The following PROS1 variants were observed in gnomAD, a reference collection of about 807,000 sequenced individuals.
The protein encoded by PROS1 is vitamin K-dependent protein S.
PROS1 carries 29 observed loss-of-function variants against 75.9 expected under a neutral mutation model. The observed-to-expected ratio is 0.38, with a 90% CI of 0.28 to 0.52. PROS1 has a LOEUF of 0.52. Ranked by LOEUF, PROS1 falls within the 20% of genes least tolerant of loss-of-function variation. The pLI, the probability that PROS1 is intolerant of heterozygous loss-of-function variation, is 0.83. For missense variants in PROS1, 680 were observed against 810.3 expected (o/e 0.84, Z 1.95); for synonymous variants, 245 against 280.6 (o/e 0.87, Z 1.27).
rs567574963 is a variant in PROS1 at position 93,938,386 on chromosome 3, G to A, written c.77-10979C>T. On this transcript the variant is annotated intron_variant, in intron 1 of 14. Coordinates refer to ENST00000394236, the MANE Select transcript of PROS1 (RefSeq NM_000313.4). ...CCGCTGGCACCCAGGTGATTAAAAA[G>A]CTTTATTGCTCACACAAAGCCTGTT... 2.8e-3 allele frequency among the ~76,000 whole-genome samples: 429 copies of A among 152,226 alleles called. 2 individuals carry two copies. Among genetic ancestry groups the A allele is most frequent in the Non-Finnish European group, 4.6e-3 (311 of 68,026 alleles).
chr3:93,875,040 T>C (rs1388613093), intron 14 of PROS1, among the ~76,000 whole-genome samples: 2 of 152,192 alleles, frequency 1.3e-5, no homozygotes, highest in East Asian at 3.9e-4. Context: ...TTATTCTTCA[T>C]CTTCAGTACC....
At chr3:93,942,634 C>CA (rs1231578896) in intron 1 of PROS1, among the ~76,000 whole-genome samples, 1 of 152,238 alleles carries the variant, frequency 6.6e-6, no homozygotes, top group Non-Finnish European at 1.5e-5. Flanking sequence ...CCACACAAGG[C>CA]AAATGGTTCT....
At chr3:93,944,625 A>T (rs534239565) in intron 1 of PROS1, among the ~76,000 whole-genome samples, 1 of 152,224 alleles carries the variant, frequency 6.6e-6, no homozygotes, top group African/African-American at 2.4e-5. Flanking sequence ...AAGACACAAC[A>T]TACCAGAATC....
intron 1 of PROS1, among the ~76,000 whole-genome samples, chr3:93,931,798 G>A (rs768827634): frequency 6.6e-5 from 10 of 152,200 alleles, no homozygotes; most frequent in South Asian, 2.1e-4. Context: ...AACTTTCTAC[G>A]TGTTTGGTCT....
At chr3:93,906,849 G>A (rs1461430600) in intron 4 of PROS1, among the ~76,000 whole-genome samples, 8 of 152,334 alleles carry the variant, frequency 5.3e-5, no homozygotes, top group East Asian at 1.9e-4. Context: ...AGCTGTTGTC[G>A]CAGCCTAGCT....
chr3:93,892,567 T>C (rs1708446011), intron 10 of PROS1, among the ~76,000 whole-genome samples: 1 of 150,076 alleles, frequency 6.7e-6, no homozygotes, highest in African/African-American at 2.5e-5. Context: ...GAGGTTGCAG[T>C]GAGCTGAGAT....
intron 1 of PROS1, chr3:93,968,088 A>T (rs1469727857): frequency 1.3e-5 from 2 of 152,192 alleles, no homozygotes; most frequent in Non-Finnish European, 2.9e-5. Context: ...GGGAAAAAGG[A>T]AAGAAGTACT....
In PROS1 at chr3:93,926,518, C is replaced by T. The variant is rs1351221891; in HGVS notation, c.234+732G>A. 2.0e-5 allele frequency among the ~76,000 whole-genome samples: 3 copies of T among 152,050 alleles called. No homozygotes were observed. In the South Asian group the frequency reaches 6.2e-4, roughly 32 times the overall value. On this transcript the variant is annotated intron_variant, in intron 2 of 14. Coordinates refer to ENST00000394236, the MANE Select transcript of PROS1 (RefSeq NM_000313.4). ...ATGGTGGCATACGCCTCTAATCCCA[C>T]CTACTCAGGTGGCTGAGGCATGAGA...
At chr3:93,916,632 GA>G (rs768132202) in intron 3 of PROS1, among the ~76,000 whole-genome samples, 9 of 152,176 alleles carry the variant, frequency 5.9e-5, no homozygotes, top group Non-Finnish European at 1.2e-4. Context: ...ACAGGAAGGT[GA>G]AAGTTGGAGG....
chr3:93,922,067 G>A (rs2107194077), intron 3 of PROS1, among the ~76,000 whole-genome samples: 1 of 152,190 alleles, frequency 6.6e-6, no homozygotes, highest in African/African-American at 2.4e-5. Context: ...CAGCAGGTCA[G>A]GCCAGCTTTT....
intron 11 of PROS1, 37 bp downstream of exon 11, chr3:93,886,299 C>A (rs750396223): frequency 1.0e-5 from 16 of 1,578,150 alleles, no homozygotes; most frequent in Admixed American, 3.3e-5. Context: ...ACAAAAGGAA[C>A]TCATCCATGA....
At chr3:93,906,749 C>G (rs1269792794) in intron 4 of PROS1, among the ~76,000 whole-genome samples, 3 of 152,226 alleles carry the variant, frequency 2.0e-5, no homozygotes, top group Non-Finnish European at 4.4e-5. Context: ...TTCTGCCCAC[C>G]ACAGGCTCAG....
chr3:93,964,434 C>A (rs553897558), intron 1 of PROS1, among the ~76,000 whole-genome samples: 1 of 152,092 alleles, frequency 6.6e-6, no homozygotes. Context: ...CTGTCCTATG[C>A]GGTTGAGATA....
chr3:93,894,579 T>C (rs752761549), intron 9 of PROS1, among the ~76,000 whole-genome samples: 2 of 152,184 alleles, frequency 1.3e-5, no homozygotes. Flanking sequence ...GGTCATGTTC[T>C]GCATATTTTG....
intron 7 of PROS1, among the ~76,000 whole-genome samples, chr3:93,899,697 A>AT (rs2107160184): frequency 6.6e-6 from 1 of 152,322 alleles, no homozygotes. Flanking sequence ...GTAGTTAAAA[A>AT]ATATATTGTA....
At chr3:93,932,617 A>T (rs1576201422) in intron 1 of PROS1, among the ~76,000 whole-genome samples, 1 of 152,232 alleles carries the variant, frequency 6.6e-6, no homozygotes, top group African/African-American at 2.4e-5. Flanking sequence ...CAATAATAAA[A>T]CCATTGTGCA....
intron 12 of PROS1, among the ~76,000 whole-genome samples, chr3:93,882,800 CTT>C (rs1254381257): frequency 6.6e-6 from 1 of 152,100 alleles, no homozygotes; most frequent in Non-Finnish European, 1.5e-5. Context: ...AAGCCTCTCT[CTT>C]AATATGGTCC....
At chr3:93,957,282 A>C (rs1366382270) in intron 1 of PROS1, among the ~76,000 whole-genome samples, 1 of 152,198 alleles carries the variant, frequency 6.6e-6, no homozygotes, top group Non-Finnish European at 1.5e-5. Context: ...ATTTCTAAGA[A>C]TATATATGTG....
intron 1 of PROS1, among the ~76,000 whole-genome samples, chr3:93,940,507 A>C (rs1709268060): frequency 6.6e-6 from 1 of 152,068 alleles, no homozygotes; most frequent in Non-Finnish European, 1.5e-5. Context: ...CTCTGATGCC[A>C]ACTTGGACAA....
Sources: allele counts gnomAD v4.1 joint callset (sites outside exome capture counted in the v4.1 genomes callset), GRCh38; gene constraint gnomAD v4.1.1; transcripts MANE v1.5; gene names NCBI Gene and HGNC (gene_info 2026-07-23, HGNC 2026-07-21).